The following DHX35 variants were observed in gnomAD, a reference collection of about 807,000 sequenced individuals.
The protein encoded by DHX35 is probable ATP-dependent RNA helicase DHX35.
In DHX35, 84 loss-of-function variants were observed where a neutral mutation model predicts 99.6. That is an observed-to-expected ratio of 0.84 (90% CI 0.71 to 1.01). DHX35 has a LOEUF of 1.01. Ranked by LOEUF, DHX35 falls within the 50% of genes least tolerant of loss-of-function variation. The pLI is 0.00. For synonymous variants in DHX35, 331 were observed against 316.2 expected (o/e 1.05, Z -0.50); for missense variants, 852 against 888.5 (o/e 0.96, Z 0.52).
intron 15 of DHX35, 92 bp downstream of exon 15, chr20:39,018,991 A>G: frequency 8.8e-7 from 1 of 1,132,954 alleles, no homozygotes; most frequent in South Asian, 1.3e-5. Flanking sequence ...AAGAGGGTAC[A>G]ATATGGTAAA....
chr20:38,967,162 A>G (rs1311696582), intron 1 of DHX35, among the ~76,000 whole-genome samples: 2 of 152,228 alleles, frequency 1.3e-5, no homozygotes, highest in Non-Finnish European at 2.9e-5. Context: ...ATATTCTGGT[A>G]AATTCTGGTG....
chr20:38,971,790 G>A (rs2086001071), intron 2 of DHX35, among the ~76,000 whole-genome samples: 1 of 151,940 alleles, frequency 6.6e-6, no homozygotes, highest in Non-Finnish European at 1.5e-5. Context: ...ATCAGTACAA[G>A]TAGATATTTC....
chr20:38,996,410 G>A (rs1306058987), intron 8 of DHX35, among the ~76,000 whole-genome samples: 2 of 152,202 alleles, frequency 1.3e-5, no homozygotes, highest in Non-Finnish European at 2.9e-5. Flanking sequence ...ATTAAAATGG[G>A]GAGGTTGGGG....
intron 9 of DHX35, among the ~76,000 whole-genome samples, chr20:39,002,484 A>G (rs1225217960): frequency 6.6e-6 from 1 of 152,178 alleles, no homozygotes; most frequent in Non-Finnish European, 1.5e-5. Flanking sequence ...TCCGATTTTC[A>G]CTGGTCTGAT....
intron 20 of DHX35, among the ~76,000 whole-genome samples, chr20:39,031,161 CA>C (rs112765650): frequency 1.3e-3 from 180 of 135,224 alleles, no homozygotes; most frequent in Admixed American, 1.8e-3. Context: ...GATTCCATGT[CA>C]AAAAAAAAAA....
chr20:38,986,721 C>G (rs1282918075), intron 4 of DHX35, among the ~76,000 whole-genome samples: 1 of 152,144 alleles, frequency 6.6e-6, no homozygotes. Context: ...AAATGCTGGT[C>G]ATTGGGAAAT....
intron 2 of DHX35, among the ~76,000 whole-genome samples, chr20:38,971,568 T>C (rs899030356): frequency 1.3e-5 from 2 of 152,150 alleles, no homozygotes; most frequent in African/African-American, 4.8e-5. Context: ...GATTTCTGCT[T>C]TGTATATTGT....
intron 12 of DHX35, among the ~76,000 whole-genome samples, chr20:39,007,093 T>G (rs1277129741): frequency 6.6e-6 from 1 of 152,238 alleles, no homozygotes; most frequent in Non-Finnish European, 1.5e-5. Context: ...TGCATTCACT[T>G]AACCAGGCCC....
At position 39,003,753 on chromosome 20, in the gene DHX35, A is replaced by G; in HGVS notation, c.857A>G (p.Glu286Gly). 1.2e-6 allele frequency: 2 copies of G among 1,609,380 alleles called. No individual in the cohort carries two copies. Among genetic ancestry groups the G allele is most frequent in the East Asian group, 4.5e-5 (2 of 44,770 alleles). The change falls in exon 11 of 22, where the codon GAG becomes GGG. Residue 286 changes from glutamate to glycine, a missense_variant. Transcript: ENST00000252011. ...TTCCTGGTTCAACGTCTTTAGGAAG[A>G]GGTAGAAACTGTTGTGTCGATGCTC... ...DVLAFLTGQE[E>G]VETVVSMLIE...
intron 21 of DHX35, among the ~76,000 whole-genome samples, chr20:39,035,320 C>T (rs916930006): frequency 3.3e-5 from 5 of 152,208 alleles, no homozygotes; most frequent in South Asian, 2.1e-4. Context: ...GATCCGCCCG[C>T]CTTGGTCTCC....
intron 11 of DHX35, 103 bp from the exon 12 acceptor site, chr20:39,006,043 A>G (rs2086610357): frequency 4.5e-6 from 6 of 1,347,096 alleles, no homozygotes; most frequent in Non-Finnish European, 6.2e-6. Context: ...CCTCTCACAG[A>G]TTCTGCAATG....
At chr20:39,008,876 C>G (rs1211376464) in intron 12 of DHX35, among the ~76,000 whole-genome samples, 2 of 152,226 alleles carry the variant, frequency 1.3e-5, no homozygotes, top group African/African-American at 4.8e-5. Flanking sequence ...TCCCTGGAGG[C>G]CTTCTTCCAG....
chr20:38,969,664 A>G (rs1046409339), intron 2 of DHX35, among the ~76,000 whole-genome samples: 2 of 152,232 alleles, frequency 1.3e-5, no homozygotes, highest in Non-Finnish European at 2.9e-5. Context: ...TTCCTCTGAG[A>G]CAGTGACAGG....
At chr20:38,992,604 CTGTGTGTGTGTGTGTGTGTG>C (rs10532229) in intron 7 of DHX35, among the ~76,000 whole-genome samples, 179 bp downstream of exon 7, 1 of 148,946 alleles carries the variant, frequency 6.7e-6, no homozygotes, top group Non-Finnish European at 1.5e-5. Flanking sequence ...CTTCTCTTTT[CTGTGTGTGTGTGTGTGTGTG>C]TGAGTGAGTG....
At chr20:38,987,310 G>A (rs1007991420) in intron 4 of DHX35, among the ~76,000 whole-genome samples, 2 of 152,084 alleles carry the variant, frequency 1.3e-5, no homozygotes, top group African/African-American at 4.8e-5. Flanking sequence ...TGTGACCTCG[G>A]CTCATTGCAA....
chr20:39,034,430 A>G lies in DHX35; in HGVS notation c.2067+113A>G, dbSNP rs2087110509. ...CTATGTGTGTTCCCCCTAGGGGTGCATAGGGTGGAAAGGCCATTACCATAT... is the reference window on the plus strand; with the variant it reads ...CTATGTGTGTTCCCCCTAGGGGTGCGTAGGGTGGAAAGGCCATTACCATAT... On this transcript the variant is annotated intron_variant, in intron 21 of 21. Coordinates refer to ENST00000252011, the MANE Select transcript of DHX35 (RefSeq NM_021931.4). 5 of 842,722 alleles carry G rather than the reference A, an allele frequency of 5.9e-6. No individual in the cohort carries two copies. The South Asian group carries it at 6.1e-5, about 10-fold the overall frequency. 52.2% of individuals were successfully genotyped at this position (842,722 alleles called of 1,614,324 possible). A position where few individuals can be genotyped will look rare whatever the true frequency, so the allele number is the denominator to read the frequency against.
rs140757763 is a variant in DHX35, at chr20:39,003,781, C to T, written c.885C>T (p.Ile295=). Residue 295 remains isoleucine, a synonymous_variant, in exon 11 of 22, where the codon ATC becomes ATT. Coordinates refer to ENST00000252011, the MANE Select transcript of DHX35 (RefSeq NM_021931.4). ...TAGAAACTGTTGTGTCGATGCTCATCGAGCAGGCTCGAGCACTAGCTCGCA... is the reference window on the plus strand; with the variant it reads ...TAGAAACTGTTGTGTCGATGCTCATTGAGCAGGCTCGAGCACTAGCTCGCA... ...EEVETVVSML[I]EQARALARTG... is the part of the protein sequence containing the mutation. The T allele has an allele frequency of 5.4e-5, 87 of 1,614,068 alleles. No individual in the cohort carries two copies. Among genetic ancestry groups the T allele is most frequent in the Middle Eastern group, 3.3e-4 (2 of 6,060 alleles).
At chr20:39,013,657 A>G (rs1238687451) in intron 13 of DHX35, among the ~76,000 whole-genome samples, 1 of 152,230 alleles carries the variant, frequency 6.6e-6, no homozygotes, top group Non-Finnish European at 1.5e-5. Context: ...AGCCTAGTTC[A>G]GAGATTGCTA....
chr20:38,966,743 G>A (rs1029629964), intron 1 of DHX35, among the ~76,000 whole-genome samples: 1 of 152,184 alleles, frequency 6.6e-6, no homozygotes, highest in Non-Finnish European at 1.5e-5. Flanking sequence ...TAGTACAAAA[G>A]ACATGTTAAA....
Sources: gnomAD v4.1 joint callset for allele counts (sites outside exome capture counted in the v4.1 genomes callset) on GRCh38, gnomAD v4.1.1 for gene constraint, MANE v1.5 for transcripts, NCBI Gene and HGNC (gene_info 2026-07-23, HGNC 2026-07-21) for gene names.